The following ADGRL3 variants were observed in gnomAD, a reference collection of about 807,000 sequenced individuals.
ADGRL3 encodes adhesion G protein-coupled receptor L3, also known as calcium-independent alpha-latrotoxin receptor 3.
Under a neutral mutation model 153.5 loss-of-function variants are expected in ADGRL3, and 62 were observed. That is an observed-to-expected ratio of 0.40 (90% CI 0.33 to 0.50). The LOEUF (loss-of-function observed/expected upper bound fraction) is 0.50, where lower values mean the gene tolerates loss of function less well. Ranked by LOEUF, ADGRL3 falls within the 20% of genes least tolerant of loss-of-function variation. ADGRL3 has a pLI of 0.47. For synonymous variants in ADGRL3, 710 were observed against 672.5 expected (o/e 1.06, Z -0.86); for missense variants, 1,641 against 1,859.4 (o/e 0.88, Z 2.16).
At chr4:61,452,188 G>C (rs1449432227) in intron 2 of ADGRL3, among the ~76,000 whole-genome samples, 4 of 152,128 alleles carry the variant, frequency 2.6e-5, no homozygotes, top group African/African-American at 7.2e-5. Context: ...CCTCCAATGA[G>C]TAGTCGATAA....
intron 1 of ADGRL3, among the ~76,000 whole-genome samples, chr4:61,238,148 G>A (rs191132285): frequency 4.6e-5 from 7 of 152,262 alleles, no homozygotes; most frequent in Non-Finnish European, 8.8e-5. Flanking sequence ...ACAGTAATTA[G>A]CATTTGTTCT....
chr4:61,704,684 A>G lies in ADGRL3; in HGVS notation c.584-25938A>G, dbSNP rs541551667. ...TATCATGACAGGCTTTTTTGATACC[A>G]TTCGATCCACAGAAGAACTTGTTTT... is the stretch of plus-strand genomic sequence containing the variant. On this transcript the variant is annotated intron_variant, in intron 6 of 26. Coordinates refer to ENST00000683033, the MANE Select transcript of ADGRL3 (RefSeq NM_001387552.1). Among the ~76,000 whole-genome samples, 7 of 152,318 alleles carry G rather than the reference A, an allele frequency of 4.6e-5. No homozygotes were observed. In the East Asian group the frequency reaches 1.4e-3, roughly 29 times the overall value.
At chr4:61,740,716 A>C (rs1046320730) in intron 8 of ADGRL3, among the ~76,000 whole-genome samples, 29 of 152,324 alleles carry the variant, frequency 1.9e-4, no homozygotes, top group African/African-American at 6.5e-4. Context: ...TAACAGATCT[A>C]AAAATCTACT....
chr4:61,749,174 C>T (rs1485914270), intron 8 of ADGRL3, among the ~76,000 whole-genome samples: 1 of 152,010 alleles, frequency 6.6e-6, no homozygotes, highest in African/African-American at 2.4e-5. Flanking sequence ...CATCTCACAC[C>T]AGTTAGAATG....
At chr4:61,523,350 T>G (rs1158011543) in intron 4 of ADGRL3, among the ~76,000 whole-genome samples, 1 of 152,128 alleles carries the variant, frequency 6.6e-6, no homozygotes, top group African/African-American at 2.4e-5. Flanking sequence ...ATCTCTTTGC[T>G]GCAGGAGAAT....
intron 8 of ADGRL3, among the ~76,000 whole-genome samples, chr4:61,796,324 G>T (rs1291039021): frequency 6.6e-6 from 1 of 152,008 alleles, no homozygotes; most frequent in Admixed American, 6.6e-5. Context: ...CCACAGAGAG[G>T]CTCAGCATTT....
chr4:61,491,193 A>AT (rs965217534), intron 2 of ADGRL3, among the ~76,000 whole-genome samples: 5 of 152,040 alleles, frequency 3.3e-5, no homozygotes, highest in Non-Finnish European at 5.9e-5. Flanking sequence ...TGGAACGATA[A>AT]TTTTTTTGTG....
At chr4:61,438,948 C>A (rs1452293758) in intron 2 of ADGRL3, among the ~76,000 whole-genome samples, 2 of 152,002 alleles carry the variant, frequency 1.3e-5, no homozygotes, top group African/African-American at 4.8e-5. Context: ...ACCTCATGAT[C>A]CGCCCACCTC....
chr4:61,968,032 A>G (rs1199877234), intron 17 of ADGRL3, among the ~76,000 whole-genome samples: 3 of 152,186 alleles, frequency 2.0e-5, no homozygotes, highest in Non-Finnish European at 4.4e-5. Context: ...TCCCATGATA[A>G]CAATATTAAT....
At chr4:61,860,603 C>T (rs2098330678) in intron 9 of ADGRL3, among the ~76,000 whole-genome samples, 2 of 151,990 alleles carry the variant, frequency 1.3e-5, no homozygotes, top group Admixed American at 1.3e-4. Flanking sequence ...CAGCATTATA[C>T]AATTCTTATC....
chr4:61,259,423 AAAATAAATAAATAAATAAAT>A (rs58289743), intron 1 of ADGRL3, among the ~76,000 whole-genome samples: 20 of 142,902 alleles, frequency 1.4e-4, no homozygotes, highest in East Asian at 4.2e-4. Context: ...ACTCTGTCTC[AAAATAAATAAATAAATAAAT>A]AAATAAATAA....
intron 1 of ADGRL3, among the ~76,000 whole-genome samples, chr4:61,266,102 A>T (rs1209178362): frequency 2.0e-5 from 3 of 151,774 alleles, no homozygotes; most frequent in Non-Finnish European, 4.4e-5. Context: ...TACTGATTAA[A>T]TTTTTTTATA....
intron 1 of ADGRL3, among the ~76,000 whole-genome samples, chr4:61,209,848 C>T (rs1348518531): frequency 2.0e-5 from 3 of 152,098 alleles, no homozygotes; most frequent in Admixed American, 6.5e-5. Flanking sequence ...ATTCTTTAAG[C>T]TTTAACTGCA....
chr4:61,669,462 C>T (rs990472571), intron 5 of ADGRL3, among the ~76,000 whole-genome samples: 2 of 152,122 alleles, frequency 1.3e-5, no homozygotes, highest in East Asian at 3.9e-4. Flanking sequence ...TCTTCTATTG[C>T]TGCATTCCAT....
At chr4:61,418,416 ACATGGTTTTGTCT>A (rs2097168270) in intron 2 of ADGRL3, among the ~76,000 whole-genome samples, 3 of 151,286 alleles carry the variant, frequency 2.0e-5, no homozygotes, top group East Asian at 2.1e-4. Flanking sequence ...TGAACATCGG[ACATGGTTTTGTCT>A]TCACAATGGC....
At chr4:61,251,860 T>C (rs1759395840) in intron 1 of ADGRL3, among the ~76,000 whole-genome samples, 1 of 147,790 alleles carries the variant, frequency 6.8e-6, no homozygotes, top group African/African-American at 2.5e-5. Context: ...TTTCTTATCC[T>C]AAGATTCTTT....
chr4:61,921,246 T>C (rs1022535164), intron 13 of ADGRL3, among the ~76,000 whole-genome samples: 35 of 152,096 alleles, frequency 2.3e-4, no homozygotes, highest in African/African-American at 7.5e-4. Flanking sequence ...ATTCAAAAGA[T>C]AGAATAATAG....
At chr4:61,575,193 A>G (rs184963112) in intron 4 of ADGRL3, among the ~76,000 whole-genome samples, 4 of 152,084 alleles carry the variant, frequency 2.6e-5, no homozygotes, top group African/African-American at 7.2e-5. Flanking sequence ...TTCTCCTTCA[A>G]TAACTTATTG....
chr4:61,471,204 G>T (rs1189888643), intron 2 of ADGRL3, among the ~76,000 whole-genome samples: 1 of 151,444 alleles, frequency 6.6e-6, no homozygotes, highest in East Asian at 1.9e-4. Context: ...CTTCTTTTTA[G>T]CATGTGAATA....
Sources: allele counts gnomAD v4.1 joint callset (sites outside exome capture counted in the v4.1 genomes callset), GRCh38; gene constraint gnomAD v4.1.1; transcripts MANE v1.5; gene names NCBI Gene and HGNC (gene_info 2026-07-23, HGNC 2026-07-21).